The following TMEM41A variants were observed in gnomAD, a reference collection of about 807,000 sequenced individuals.
TMEM41A encodes the protein transmembrane protein 41A.
TMEM41A carries 20 observed loss-of-function variants against 25.7 expected under a neutral mutation model. The ratio of observed to expected loss-of-function variants is 0.78; its 90% CI spans 0.55 to 1.13. The LOEUF (loss-of-function observed/expected upper bound fraction) is 1.13, where lower values mean the gene tolerates loss of function less well. Ranked by LOEUF, TMEM41A falls within the 50% of genes most tolerant of loss-of-function variation. The pLI is 0.00. For synonymous variants in TMEM41A, 133 were observed against 139.6 expected (o/e 0.95, Z 0.33); for missense variants, 299 against 314.3 (o/e 0.95, Z 0.37).
chr3:185,491,402 A>G lies in TMEM41A; in HGVS notation c.*135T>C. On this transcript the variant is annotated 3_prime_UTR_variant, in exon 5 of 5. Transcript: ENST00000421852. Reference sequence around the variant, plus strand: ...CAAGAGCAGAGTGTCCTTTCTGAAAAGACACTGCACATTGATGCACAGTGT... The same window carrying G: ...CAAGAGCAGAGTGTCCTTTCTGAAAGGACACTGCACATTGATGCACAGTGT... The G allele has an allele frequency of 1.5e-6, 1 of 675,092 alleles. No individual in the cohort carries two copies. Among genetic ancestry groups the G allele is most frequent in the Non-Finnish European group, 2.5e-6 (1 of 397,274 alleles). 41.8% of individuals were successfully genotyped at this position (675,092 alleles called of 1,614,324 possible).
chr3:185,494,940 G>T, intron 3 of TMEM41A, 179 bp from the exon 4 acceptor site: 2 of 978,294 alleles, frequency 2.0e-6, no homozygotes, highest in Non-Finnish European at 3.0e-6. Flanking sequence ...GATCAGAGAA[G>T]TCAAGAACTT....
At chr3:185,495,465 G>A in intron 2 of TMEM41A, 150 bp from the exon 3 acceptor site, 1 of 736,000 alleles carries the variant, frequency 1.4e-6, no homozygotes, top group Non-Finnish European at 2.2e-6. Context: ...TTAAGAAACA[G>A]GATCTCGCTC....
Position 185,498,996 on chromosome 3 carries a change from G to A in TMEM41A, c.-35C>T. 1 of 1,558,448 alleles carries A rather than the reference G, an allele frequency of 6.4e-7. No homozygotes were observed. Among genetic ancestry groups the A allele is most frequent in the Non-Finnish European group, 8.7e-7 (1 of 1,145,776 alleles). On this transcript the variant is annotated 5_prime_UTR_variant, in exon 1 of 5. Transcript: ENST00000421852. ...GCACCCCGGCCCGCGGGGCAGCCGA[G>A]AAGCTCACTTGCACTCCGGGACGCA...
chr3:185,498,271 A>AG (rs1440291890), intron 1 of TMEM41A: 2 of 152,086 alleles, frequency 1.3e-5, no homozygotes, highest in Non-Finnish European at 2.9e-5. Context: ...TCTCAGAAAA[A>AG]AAAAAAAAAA....
intron 1 of TMEM41A, among the ~76,000 whole-genome samples, chr3:185,497,994 C>A (rs1310063650): frequency 6.6e-6 from 1 of 152,100 alleles, no homozygotes; most frequent in Non-Finnish European, 1.5e-5. Context: ...CGATGGCTCA[C>A]GCCTGTAATC....
intron 1 of TMEM41A, among the ~76,000 whole-genome samples, chr3:185,498,143 T>C (rs1454633591): frequency 1.5e-5 from 2 of 134,838 alleles, no homozygotes; most frequent in African/African-American, 5.6e-5. Flanking sequence ...CGCGCGCCTG[T>C]AGTCCCAATT....
In TMEM41A at chr3:185,491,688, G is replaced by C; in HGVS notation, c.644C>G (p.Ala215Gly). ...SILSTLTSLD[A>G]LFSWDTVFKL... ...AAAGACAGTGTCCCAGGAGAAAAGA[G>C]CATCCAGAGAGGTTAGGGTTGACAG... Residue 215 changes from alanine (A) to glycine (G), a missense_variant, in exon 5 of 5, where the codon GCT becomes GGT. Transcript: ENST00000421852. 1 of 1,614,222 alleles carries C rather than the reference G, an allele frequency of 6.2e-7. No individual in the cohort carries two copies. The highest frequency in any genetic ancestry group is 8.5e-7 in the Non-Finnish European group (1 of 1,180,044).
At chr3:185,492,946 T>C (rs972703914) in intron 4 of TMEM41A, 1 of 152,182 alleles carries the variant, frequency 6.6e-6, no homozygotes, top group East Asian at 1.9e-4. Flanking sequence ...TGAAAGCCAA[T>C]ATGACCAAAA....
Position 185,498,925 on chromosome 3 carries a change from C to G in TMEM41A, c.37G>C (p.Gly13Arg), listed in dbSNP as rs1356599034. 1.2e-6 allele frequency: 2 copies of G among 1,604,726 alleles called. No individual in the cohort carries two copies. The highest frequency in any genetic ancestry group is 1.7e-6 in the Non-Finnish European group (2 of 1,176,398). The change falls in exon 1 of 5, where the codon GGC becomes CGC. Residue 13 changes from glycine (G) to arginine (R), a missense_variant. By Grantham distance (125) the Gly-to-Arg change is moderately radical (BLOSUM62 -2). Coordinates refer to ENST00000421852, the MANE Select transcript of TMEM41A (RefSeq NM_080652.4). ...PLLGLLLVFA[G>R]CTFALYLLST... ...AGCAAGTACAAGGCGAAGGTGCAGC[C>G]GGCGAAGACCAGAAGGAGGCCGAGA...
intron 4 of TMEM41A, 174 bp downstream of exon 4, chr3:185,494,449 G>T: frequency 1.4e-6 from 1 of 732,262 alleles, no homozygotes; most frequent in Non-Finnish European, 2.1e-6. Context: ...TTTTCATGTT[G>T]AAGCCTGAGC....
Position 185,496,958 on chromosome 3 carries a change from AG to A in TMEM41A, c.142del (p.Leu48TrpfsTer44), listed in dbSNP as rs1294332669. On this transcript the variant is annotated frameshift_variant, in exon 2 of 5. Coordinates refer to ENST00000421852, the MANE Select transcript of TMEM41A (RefSeq NM_080652.4). ...GGRSLWFPSDLAELRELSEVL... is the reference protein window; with the variant it reads ...GGRSLWFPSDXAELRELSEVL... ...CTCAGAGAGCTCCCGCAGCTCTGCC[AG>A]GTCGGAGGGGAACCACAGCGACCTG... 2 of 1,598,336 alleles carry A rather than the reference AG, an allele frequency of 1.3e-6. No individual in the cohort carries two copies. The highest frequency in any genetic ancestry group is 4.5e-5 in the East Asian group (2 of 44,452).
chr3:185,498,655 C>T (rs1486791179), intron 1 of TMEM41A, 188 bp downstream of exon 1: 1 of 560,430 alleles, frequency 1.8e-6, no homozygotes, highest in Non-Finnish European at 3.1e-6. Context: ...GGGCTCCCAT[C>T]CACCCTTCTG....
At position 185,498,839 on chromosome 3, in the gene TMEM41A, G is replaced by A. The variant is rs1719189798; in HGVS notation, c.119+4C>T. 1.3e-6 allele frequency: 2 copies of A among 1,575,492 alleles called. No homozygotes were observed. Among genetic ancestry groups the A allele is most frequent in the Non-Finnish European group, 1.7e-6 (2 of 1,164,000 alleles). ...TGACCCGAACCCGGATTCCCGCCAC[G>A]CACCTGCCTCCAGCCTCCTCGGTGG... On this transcript the variant is annotated splice_donor_region_variant and intron_variant, in intron 1 of 4. Coordinates refer to ENST00000421852, the MANE Select transcript of TMEM41A (RefSeq NM_080652.4).
chr3:185,497,577 A>G (rs1030939371), intron 1 of TMEM41A, among the ~76,000 whole-genome samples: 1 of 152,254 alleles, frequency 6.6e-6, no homozygotes, highest in Non-Finnish European at 1.5e-5. Flanking sequence ...AACCCTTTCA[A>G]AGAGCCTACT....
intron 2 of TMEM41A, chr3:185,495,991 C>T (rs1451226319): frequency 3.9e-5 from 6 of 153,472 alleles, no homozygotes; most frequent in Non-Finnish European, 7.3e-5. Flanking sequence ...CTTGGTAAGA[C>T]CACACAAGCT....
intron 4 of TMEM41A, 114 bp downstream of exon 4, chr3:185,494,509 A>G: frequency 1.6e-6 from 2 of 1,233,854 alleles, no homozygotes; most frequent in South Asian, 4.1e-5. Context: ...TTGAAGTCAC[A>G]CTTTGTGAGC....
At chr3:185,494,431 T>G in intron 4 of TMEM41A, 192 bp downstream of exon 4, 1 of 604,710 alleles carries the variant, frequency 1.7e-6, no homozygotes, top group Non-Finnish European at 2.6e-6. Flanking sequence ...CAAAAGTATT[T>G]TTATGGGTTT....
chr3:185,497,087 A>G, intron 1 of TMEM41A, 106 bp from the exon 2 acceptor site: 1 of 1,354,944 alleles, frequency 7.4e-7, no homozygotes, highest in Non-Finnish European at 1.0e-6. Context: ...AAATATGCCC[A>G]TCATCTGATC....
chr3:185,492,858 A>C (rs1028020782), intron 4 of TMEM41A: 3 of 152,240 alleles, frequency 2.0e-5, no homozygotes, highest in Non-Finnish European at 4.4e-5. Flanking sequence ...TGGTCTCCAG[A>C]ATCTTGCCAA....
Sources: gnomAD v4.1 joint callset for allele counts (sites outside exome capture counted in the v4.1 genomes callset) on GRCh38, gnomAD v4.1.1 for gene constraint, MANE v1.5 for transcripts, NCBI Gene and HGNC (gene_info 2026-07-23, HGNC 2026-07-21) for gene names.